The following KRT33A variants were observed in gnomAD, a reference collection of about 807,000 sequenced individuals.
KRT33A encodes keratin, type I cuticular Ha3-I.
KRT33A carries 44 observed loss-of-function variants against 41.1 expected under a neutral mutation model. The observed-to-expected ratio is 1.07, with a 90% CI of 0.84 to 1.38. The LOEUF is 1.38. KRT33A is among the 40% of genes most tolerant of loss of function. KRT33A has a pLI of 0.00. For synonymous variants in KRT33A, 229 were observed against 227.8 expected, an observed-to-expected ratio of 1.01 and a Z score of -0.05; for missense variants, 536 against 518.5, an observed-to-expected ratio of 1.03 and a Z score of -0.33.
intron 3 of KRT33A, among the ~76,000 whole-genome samples, chr17:41,347,984 G>A (rs906725374): frequency 6.6e-5 from 10 of 152,172 alleles, no homozygotes; most frequent in Non-Finnish European, 1.3e-4. Context: ...TAAAATACAC[G>A]TCTTCTTTTT....
At chr17:41,346,421 G>C (rs1358312458) in intron 6 of KRT33A, 27 bp downstream of exon 6, 2 of 1,612,880 alleles carry the variant, frequency 1.2e-6, no homozygotes, top group Non-Finnish European at 1.7e-6. Context: ...CATGCCCCAA[G>C]GAGAAGATTA....
chr17:41,348,456 G>A (rs367958721), intron 3 of KRT33A, 27 bp downstream of exon 3: 1 of 1,613,168 alleles, frequency 6.2e-7, no homozygotes, highest in Non-Finnish European at 8.5e-7. Flanking sequence ...TGGCTAGTCT[G>A]AGCCCATCAC....
At chr17:41,350,398 C>T (rs1017451067) in intron 1 of KRT33A, 22 bp downstream of exon 1, 5 of 1,606,846 alleles carry the variant, frequency 3.1e-6, no homozygotes, top group Admixed American at 1.7e-5. Context: ...CTACTGGAGG[C>T]ACTGTGTCGC....
chr17:41,348,714 T>A, intron 2 of KRT33A, 75 bp from the exon 3 acceptor site: 1 of 1,499,334 alleles, frequency 6.7e-7, no homozygotes. Flanking sequence ...GTTTGGTTAG[T>A]CAGGCAACTA....
chr17:41,347,613 C>G (rs755737448), intron 3 of KRT33A, among the ~76,000 whole-genome samples: 4 of 152,224 alleles, frequency 2.6e-5, no homozygotes, highest in Non-Finnish European at 5.9e-5. Context: ...CAGAGTCTAG[C>G]TAAAGAGGAA....
rs1188671327 is a variant in KRT33A at position 41,350,400 on chromosome 17, C to T, written c.348+20G>A. The stretch of plus-strand genomic sequence containing the variant: ...TCCCGACAACTTCCTACTGGAGGCA[C>T]TGTGTCGCCCACTCCTCACCTTCTG... On this transcript the variant is annotated intron_variant, in intron 1 of 6. Coordinates refer to ENST00000007735, the MANE Select transcript of KRT33A (RefSeq NM_004138.4). 1 of 1,607,438 alleles carries T rather than the reference C, an allele frequency of 6.2e-7. No homozygotes were observed. The highest frequency in any genetic ancestry group is 8.5e-7 in the Non-Finnish European group (1 of 1,174,800).
rs371999575 is a variant in KRT33A, at chr17:41,346,853, C to A, written c.867G>T (p.Gln289His). 2 of 1,612,518 alleles carry A rather than the reference C, an allele frequency of 1.2e-6. No homozygotes were observed. The highest frequency in any genetic ancestry group is 1.7e-6 in the Non-Finnish European group (2 of 1,180,024). Residue 289 changes from glutamine to histidine, a missense_variant, in exon 5 of 7, where the codon CAG becomes CAT. Physicochemically the swap from Gln to His is conservative, Grantham distance 24. Coordinates refer to ENST00000007735, the MANE Select transcript of KRT33A (RefSeq NM_004138.4). ...TCTGAACAATACACACCAGGTTGTGCTGGGCCTGCAGCTCGATCTCCAGGG... is the reference window on the plus strand; with the variant it reads ...TCTGAACAATACACACCAGGTTGTGATGGGCCTGCAGCTCGATCTCCAGGG... ...VNALEIELQA[Q>H]HNLRDSLENT...
rs143737560 is a variant in KRT33A at position 41,348,617 on chromosome 17, G to A, written c.454C>T (p.Arg152Trp). 69 of 1,613,960 alleles carry A rather than the reference G, an allele frequency of 4.3e-5. No homozygotes were observed. The highest frequency in any genetic ancestry group is 1.3e-4 in the East Asian group (6 of 44,884). ...RTKYETELSL[R>W]QLVESDINGL... The stretch of plus-strand genomic sequence containing the variant: ...TTGATGTCCGACTCCACCAGCTGCC[G>A]CAGGGACAGCTCGGTCTCATATCTG... The change falls in exon 3 of 7, where the codon CGG becomes TGG. Residue 152 changes from arginine (R) to tryptophan (W), a missense_variant. Transcript: ENST00000007735.
Position 41,348,531 on chromosome 17 carries a change from C to T in KRT33A, c.540G>A (p.Val180=), listed in dbSNP as rs1289593515. The T allele has an allele frequency of 1.9e-6, 3 of 1,614,022 alleles. No individual in the cohort carries two copies. The highest frequency in any genetic ancestry group is 3.3e-5 in the Admixed American group (2 of 60,022). ...ACAGCAGCTCCTCCTTCAGGGACTC[C>T]ACCTGGGCCTCCAGGTCAGACCTGC... is the stretch of plus-strand genomic sequence containing the variant. ...TLCRSDLEAQ[V]ESLKEELLCL... is the part of the protein sequence containing the mutation. Residue 180 remains valine, a synonymous_variant, in exon 3 of 7, where the codon GTG becomes GTA. Transcript: ENST00000007735.
In KRT33A at chr17:41,350,499, T is replaced by C; in HGVS notation, c.269A>G (p.Glu90Gly). ...CAAGGGCTCCTGCTGCTGTGACCGCTCCCGGATGAGGTTCTCCAGCTCCGC... is the reference window on the plus strand; with the variant it reads ...CAAGGGCTCCTGCTGCTGTGACCGCCCCCGGATGAGGTTCTCCAGCTCCGC... ...DNAELENLIRERSQQQEPLVC... is the reference protein window; with the variant it reads ...DNAELENLIRGRSQQQEPLVC... The change falls in exon 1 of 7, where the codon GAG becomes GGG. Residue 90 changes from glutamate (E) to glycine (G), a missense_variant. By Grantham distance (98) the Glu-to-Gly change is moderately conservative. Transcript: ENST00000007735. The C allele has an allele frequency of 1.9e-6, 3 of 1,614,040 alleles. No homozygotes were observed. Among genetic ancestry groups the C allele is most frequent in the Non-Finnish European group, 2.5e-6 (3 of 1,180,020 alleles).
chr17:41,349,348 G>A lies in KRT33A; in HGVS notation c.429C>T (p.Thr143=). ...CAACACCCCGCTTGCCCACTCACTT[G>A]GTCCTGAAGTCATCTGAGGCCAGCT... is the stretch of plus-strand genomic sequence containing the variant. ...NAKLASDDFR[T]KYETELSLRQ... Residue 143 remains threonine (T), a splice_region_variant and synonymous_variant, in exon 2 of 7, where the codon ACC becomes ACT. Transcript: ENST00000007735. 4 of 1,613,842 alleles carry A rather than the reference G, an allele frequency of 2.5e-6. No individual in the cohort carries two copies. Among genetic ancestry groups the A allele is most frequent in the Non-Finnish European group, 3.4e-6 (4 of 1,179,818 alleles).
Position 41,347,097 on chromosome 17 carries a change from G to T in KRT33A, c.714C>A (p.Thr238=). 6.2e-7 allele frequency: 1 copy of T among 1,614,158 alleles called. No individual in the cohort carries two copies. The change falls in exon 4 of 7, where the codon ACC becomes ACA. Residue 238 remains threonine, a synonymous_variant. Coordinates refer to ENST00000007735, the MANE Select transcript of KRT33A (RefSeq NM_004138.4). ...TRSQYEALVE[T]NRREVEQWFA... ...ACCATTGCTCCACTTCCCTGCGGTT[G>T]GTTTCCACCAGGGCCTCATACTGAC...
At position 41,349,333 on chromosome 17, in the gene KRT33A, C is replaced by T; in HGVS notation, c.431+13G>A. On this transcript the variant is annotated intron_variant, in intron 2 of 6. Coordinates refer to ENST00000007735, the MANE Select transcript of KRT33A (RefSeq NM_004138.4). ...AAGAGAAATAAACAGCAACACCCCG[C>T]TTGCCCACTCACTTGGTCCTGAAGT... 6.2e-7 allele frequency: 1 copy of T among 1,613,526 alleles called. No homozygotes were observed. Among genetic ancestry groups the T allele is most frequent in the African/African-American group, 1.3e-5 (1 of 75,002 alleles).
intron 6 of KRT33A, 62 bp from the exon 7 acceptor site, chr17:41,346,298 C>T (rs2017415406): frequency 6.3e-7 from 1 of 1,579,966 alleles, no homozygotes; most frequent in South Asian, 1.1e-5. Flanking sequence ...TTGGAAAATA[C>T]TAAAAGGGCT....
chr17:41,349,489 TC>T, intron 1 of KRT33A, 61 bp from the exon 2 acceptor site: 1 of 1,546,314 alleles, frequency 6.5e-7, no homozygotes, highest in Non-Finnish European at 8.9e-7. Context: ...CCAATGGCAG[TC>T]CTTCCTAATT....
At position 41,350,453 on chromosome 17, in the gene KRT33A, G is replaced by A. The variant is rs780744061; in HGVS notation, c.315C>T (p.Ser105=). The change falls in exon 1 of 7, where the codon TCC becomes TCT. Residue 105 remains serine, a synonymous_variant. Transcript: ENST00000007735. ...QEPLVCASYQ[S]YFKTIEELQQ... The stretch of plus-strand genomic sequence containing the variant: ...GGAGCTCCTCAATGGTCTTGAAGTA[G>A]GACTGGTAGCTGGCACACACCAAGG... 2 of 1,614,080 alleles carry A rather than the reference G, an allele frequency of 1.2e-6. No individual in the cohort carries two copies. Among genetic ancestry groups the A allele is most frequent in the Admixed American group, 3.3e-5 (2 of 60,004 alleles).
intron 2 of KRT33A, 116 bp from the exon 3 acceptor site, chr17:41,348,755 C>G: frequency 8.9e-7 from 1 of 1,117,762 alleles, no homozygotes. Flanking sequence ...TTATAGCCAT[C>G]TCTTTTGTTT....
At position 41,346,218 on chromosome 17, in the gene KRT33A, G is replaced by A. The variant is rs367601440; in HGVS notation, c.1116C>T (p.Cys372=). Residue 372 remains cysteine (C), a synonymous_variant, in exon 7 of 7, where the codon TGC becomes TGT. Transcript: ENST00000007735. ...SEDCKLPSNP[C]ATTNACDKST... is the part of the protein sequence containing the mutation. ...ACTTGTCACATGCATTGGTTGTGGC[G>A]CAGGGGTTGGAGGGGAGCCTGTGGG... The A allele has an allele frequency of 3.7e-5, 59 of 1,613,982 alleles. No individual in the cohort carries two copies. The highest frequency in any genetic ancestry group is 2.5e-4 in the African/African-American group (19 of 74,918).
At position 41,346,902 on chromosome 17, in the gene KRT33A, A is replaced by G; in HGVS notation, c.818T>C (p.Ile273Thr). ...EQLQSYQAEI[I>T]ELRRTVNALE... is the part of the protein sequence containing the mutation. ...GGCATTGACCGTGCGTCTCAGCTCG[A>G]TGATCTCCGCCTGGTAGGACTGCAG... Residue 273 changes from isoleucine to threonine, a missense_variant, in exon 5 of 7, where the codon ATC becomes ACC. By Grantham distance (89) the Ile-to-Thr change is moderately conservative. Coordinates refer to ENST00000007735, the MANE Select transcript of KRT33A (RefSeq NM_004138.4). 1.2e-6 allele frequency: 2 copies of G among 1,613,212 alleles called. No individual in the cohort carries two copies. Among genetic ancestry groups the G allele is most frequent in the South Asian group, 1.1e-5 (1 of 91,040 alleles).
Sources: gnomAD v4.1 joint callset for allele counts (sites outside exome capture counted in the v4.1 genomes callset) on GRCh38, gnomAD v4.1.1 for gene constraint, MANE v1.5 for transcripts, NCBI Gene and HGNC (gene_info 2026-07-23, HGNC 2026-07-21) for gene names.